The following GTF2IRD1 variants were observed in gnomAD, a reference collection of about 807,000 sequenced individuals.
GTF2IRD1 encodes general transcription factor II-I repeat domain-containing protein 1.
In GTF2IRD1, 26 loss-of-function variants were observed where a neutral mutation model predicts 113.2. That is an observed-to-expected ratio of 0.23 (90% CI 0.17 to 0.32). The LOEUF is 0.32. Ranked by LOEUF, GTF2IRD1 falls within the 10% of genes least tolerant of loss-of-function variation. GTF2IRD1 has a pLI of 1.00. For synonymous variants in GTF2IRD1, 484 were observed against 529.1 expected (o/e 0.91, Z 1.17); for missense variants, 864 against 1,280.8 (o/e 0.67, Z 4.97).
intron 15 of GTF2IRD1, 24 bp from the exon 16 acceptor site, chr7:74,545,720 A>G: frequency 1.2e-6 from 2 of 1,605,488 alleles, no homozygotes; most frequent in Non-Finnish European, 1.7e-6. Flanking sequence ...AACCAGCCTC[A>G]ACAGACTGCC....
At chr7:74,478,014 C>T (rs1794523749) in intron 1 of GTF2IRD1, among the ~76,000 whole-genome samples, 1 of 152,208 alleles carries the variant, frequency 6.6e-6, no homozygotes, top group Non-Finnish European at 1.5e-5. Flanking sequence ...CCACTGTCTC[C>T]TGACACCCAG....
At position 74,473,096 on chromosome 7, in the gene GTF2IRD1, T is replaced by C. The variant is rs1794201062; in HGVS notation, c.-7+18920T>C. Among the ~76,000 whole-genome samples the C allele has an allele frequency of 2.0e-5, 3 of 152,312 alleles. No homozygotes were observed. In the South Asian group the frequency reaches 6.2e-4, roughly 32 times the overall value. On this transcript the variant is annotated intron_variant, in intron 1 of 26. Coordinates refer to ENST00000424337, the MANE Select transcript of GTF2IRD1 (RefSeq NM_005685.4). ...GACAGACAGGAGAACAGAGCACTGG[T>C]TTCTGCTCTTTGGAGCTCCTGACAT...
intron 25 of GTF2IRD1, among the ~76,000 whole-genome samples, chr7:74,599,617 C>G (rs993002335): frequency 1.3e-5 from 2 of 152,162 alleles, no homozygotes; most frequent in Non-Finnish European, 2.9e-5. Context: ...CACTGCCTGT[C>G]TACTTGGACC....
At chr7:74,456,694 A>T (rs1199220952) in intron 1 of GTF2IRD1, among the ~76,000 whole-genome samples, 1 of 151,282 alleles carries the variant, frequency 6.6e-6, no homozygotes, top group Admixed American at 6.6e-5. Context: ...AAAAAAAAAA[A>T]GAAAAAATTC....
chr7:74,496,891 G>A (rs945506165), intron 1 of GTF2IRD1, among the ~76,000 whole-genome samples: 2 of 152,144 alleles, frequency 1.3e-5, no homozygotes, highest in African/African-American at 4.8e-5. Flanking sequence ...GCCAGGCATG[G>A]TGGCTTATGC....
At chr7:74,566,020 C>CACAG (rs1398230598) in intron 22 of GTF2IRD1, among the ~76,000 whole-genome samples, 39 of 151,676 alleles carry the variant, frequency 2.6e-4, no homozygotes, top group African/African-American at 9.0e-4. Flanking sequence ...CACACACACA[C>CACAG]ACACACACAC....
rs587617161 is a variant in GTF2IRD1 at position 74,523,406 on chromosome 7, A to G, written c.1007-665A>G. Among the ~76,000 whole-genome samples, 808 of 152,036 alleles carry G rather than the reference A, an allele frequency of 5.3e-3. 4 individuals carry two copies. The highest frequency in any genetic ancestry group is 0.01 in the Middle Eastern group (3 of 294). On this transcript the variant is annotated intron_variant, in intron 7 of 26. Coordinates refer to ENST00000424337, the MANE Select transcript of GTF2IRD1 (RefSeq NM_005685.4). ...ACCCTGTCTCTATTTTTTTAAAAAA[A>G]TTTAAATTAAAAAATAAAATACTCG...
chr7:74,597,300 C>G (rs1432883345), intron 25 of GTF2IRD1, among the ~76,000 whole-genome samples: 11 of 151,766 alleles, frequency 7.2e-5, no homozygotes, highest in Admixed American at 2.0e-4. Flanking sequence ...CCTCGGCCCC[C>G]CAAAGTGCTG....
Position 74,602,345 on chromosome 7 carries a change from C to T in GTF2IRD1, c.2767-20C>T. The T allele has an allele frequency of 6.2e-7, 1 of 1,610,556 alleles. No homozygotes were observed. Among genetic ancestry groups the T allele is most frequent in the Non-Finnish European group, 8.5e-7 (1 of 1,177,318 alleles). On this transcript the variant is annotated intron_variant, in intron 26 of 26. Coordinates refer to ENST00000424337, the MANE Select transcript of GTF2IRD1 (RefSeq NM_005685.4). ...GCATCACCTGGAGTCCTAATCCAGT[C>T]CCTTTGTCCCTCTCTCTAGCAATGG...
At chr7:74,471,782 A>G (rs1554332466) in intron 1 of GTF2IRD1, among the ~76,000 whole-genome samples, 1 of 151,382 alleles carries the variant, frequency 6.6e-6, no homozygotes, top group Non-Finnish European at 1.5e-5. Context: ...TCATGAGGTC[A>G]GGAGATTGAG....
chr7:74,531,658 G>A (rs587674372), intron 9 of GTF2IRD1, among the ~76,000 whole-genome samples: 11 of 152,072 alleles, frequency 7.2e-5, no homozygotes, highest in African/African-American at 1.9e-4. Context: ...CAAGGTAGGC[G>A]GATCACTTGA....
intron 24 of GTF2IRD1, among the ~76,000 whole-genome samples, chr7:74,592,542 T>TC (rs1802127194): frequency 6.6e-6 from 1 of 151,006 alleles, no homozygotes; most frequent in Non-Finnish European, 1.5e-5. Flanking sequence ...TTTCTTTCTT[T>TC]TTTTTTTTTA....
chr7:74,591,180 C>T (rs1554369519), intron 24 of GTF2IRD1, among the ~76,000 whole-genome samples, 163 bp downstream of exon 24: 2 of 151,964 alleles, frequency 1.3e-5, no homozygotes, highest in African/African-American at 4.8e-5. Context: ...TGGACATTTA[C>T]TTATTTTTAA....
intron 25 of GTF2IRD1, among the ~76,000 whole-genome samples, chr7:74,595,540 A>T (rs1389780002): frequency 6.6e-6 from 1 of 152,046 alleles, no homozygotes; most frequent in Non-Finnish European, 1.5e-5. Flanking sequence ...AAAAAATTTC[A>T]TAAAAAAATT....
Position 74,555,191 on chromosome 7 carries a change from A to C in GTF2IRD1, c.1934A>C (p.Glu645Ala). 1.2e-6 allele frequency: 2 copies of C among 1,613,590 alleles called. No individual in the cohort carries two copies. The highest frequency in any genetic ancestry group is 1.7e-6 in the Non-Finnish European group (2 of 1,179,880). ...FVIKRPELLT[E>A]GVKEPIMDSQ... ...TTTTCCAGGCCCGAGCTGCTCACTG[A>C]GGGAGTCAAAGAGCCCATCATGGAT... is the stretch of plus-strand genomic sequence containing the variant. The change falls in exon 18 of 27, where the codon GAG (glutamate) becomes GCG (alanine). Residue 645 changes from glutamate to alanine, a missense_variant. By Grantham distance (107) the Glu-to-Ala change is moderately radical. Around this residue, in one of 7 missense-constraint regions of GTF2IRD1, gnomAD observed 195 missense variants for 359.1 expected, o/e 0.54. Coordinates refer to ENST00000424337, the MANE Select transcript of GTF2IRD1 (RefSeq NM_005685.4). This position sits in a 1 kb window ranked among gnomAD's most constrained non-coding sequence, Gnocchi z 5.3.
intron 1 of GTF2IRD1, among the ~76,000 whole-genome samples, chr7:74,472,452 TA>T (rs1359357306): frequency 1.3e-5 from 2 of 152,106 alleles, no homozygotes; most frequent in Non-Finnish European, 2.9e-5. Flanking sequence ...GATCAAGATC[TA>T]AAACCACATC....
chr7:74,544,783 C>G lies in GTF2IRD1; in HGVS notation c.1647C>G (p.Pro549=), dbSNP rs139483953. The G allele has an allele frequency of 6.2e-7, 1 of 1,613,890 alleles. No individual in the cohort carries two copies. The highest frequency in any genetic ancestry group is 8.5e-7 in the Non-Finnish European group (1 of 1,179,858). The change falls in exon 15 of 27, where the codon CCC becomes CCG. Residue 549 remains proline (P), a synonymous_variant. Coordinates refer to ENST00000424337, the MANE Select transcript of GTF2IRD1 (RefSeq NM_005685.4). ...AAGGTCTGAGTGAGGACGCGCGGCC[C>G]GAGGAGAGGCCCGTGGAGGGTGAGG... ...TDKGLSEDAR[P]EERPVEDSHG...
intron 1 of GTF2IRD1, among the ~76,000 whole-genome samples, chr7:74,458,621 C>G (rs1793152947): frequency 2.7e-5 from 4 of 149,906 alleles, no homozygotes; most frequent in Non-Finnish European, 4.4e-5. Flanking sequence ...AGGCAGAAAG[C>G]TTTTCAGGAA....
chr7:74,484,520 G>A (rs1554335233), intron 1 of GTF2IRD1, among the ~76,000 whole-genome samples: 2 of 148,488 alleles, frequency 1.3e-5, no homozygotes, highest in African/African-American at 5.0e-5. Context: ...GCGAAGTGGT[G>A]CGATCTTGGC....
Sources: gnomAD v4.1 joint callset for allele counts (sites outside exome capture counted in the v4.1 genomes callset) on GRCh38, gnomAD v4.1.1 for gene constraint, gnomAD v4.1.1 regional missense constraint, Gnocchi (gnomAD v3.1) non-coding constraint, MANE v1.5 for transcripts, NCBI Gene and HGNC (gene_info 2026-07-23, HGNC 2026-07-21) for gene names.